Variants in PDE4D observed in about 807,000 individuals in gnomAD.
PDE4D encodes the protein 3',5'-cyclic-AMP phosphodiesterase 4D.
PDE4D carries 24 observed loss-of-function variants against 87.4 expected under a neutral mutation model. The observed-to-expected ratio is 0.27, with a 90% CI of 0.20 to 0.39. The LOEUF is 0.39. Among genes scored for constraint, PDE4D ranks in the 10% least tolerant of loss-of-function variants. The pLI, the probability that PDE4D is intolerant of heterozygous loss-of-function variation, is 1.00. For missense variants in PDE4D, 714 were observed against 1,041.0 expected (o/e 0.69, Z 4.32); for synonymous variants, 384 against 383.2 (o/e 1.00, Z -0.02).
At chr5:59,771,417 GAAAGAAAGAAAAAGAA>G (rs1218245016) in intron 1 of PDE4D, among the ~76,000 whole-genome samples, 1 of 124,352 alleles carries the variant, frequency 8.0e-6, no homozygotes, top group African/African-American at 3.0e-5. Flanking sequence ...CAAAAAGAAG[GAAAGAAAGAAAAAGAA>G]AAAGAAAGAA....
intron 6 of PDE4D, among the ~76,000 whole-genome samples, chr5:59,033,019 C>G (rs745609640): frequency 1.4e-4 from 21 of 152,224 alleles, no homozygotes; most frequent in Non-Finnish European, 2.6e-4. Flanking sequence ...GGTGCCTACT[C>G]CAGGCCAGGG....
intron 1 of PDE4D, among the ~76,000 whole-genome samples, chr5:59,421,624 T>G (rs1794492222): frequency 6.6e-6 from 1 of 151,988 alleles, no homozygotes; most frequent in African/African-American, 2.4e-5. Context: ...AAAGACCAGA[T>G]GGTAAGAGTA....
intron 1 of PDE4D, among the ~76,000 whole-genome samples, chr5:59,526,457 T>C (rs1813149129): frequency 6.6e-6 from 1 of 152,238 alleles, no homozygotes; most frequent in Non-Finnish European, 1.5e-5. Context: ...TTGCTTCAAT[T>C]CAGCTTTTCT....
intron 1 of PDE4D, among the ~76,000 whole-genome samples, chr5:59,648,692 T>C (rs1343475929): frequency 6.7e-6 from 1 of 148,382 alleles, no homozygotes; most frequent in Admixed American, 6.7e-5. Context: ...ACAAGAAGAA[T>C]CCTTGAAGTA....
chr5:59,366,177 G>A (rs1212826745), intron 1 of PDE4D, among the ~76,000 whole-genome samples: 2 of 151,908 alleles, frequency 1.3e-5, no homozygotes, highest in Non-Finnish European at 2.9e-5. Context: ...ATCATATTAG[G>A]TGAGCAATTA....
At chr5:60,323,203 C>T (rs950462745) in intron 1 of PDE4D, among the ~76,000 whole-genome samples, 8 of 152,080 alleles carry the variant, frequency 5.3e-5, no homozygotes, top group African/African-American at 1.9e-4. Context: ...CCAGTGTGGA[C>T]CTCCACTCTA....
chr5:59,632,325 A>T (rs897743654), intron 1 of PDE4D, among the ~76,000 whole-genome samples: 29 of 152,166 alleles, frequency 1.9e-4, no homozygotes, highest in African/African-American at 7.0e-4. Flanking sequence ...GCTTCAGCAG[A>T]CTTAAATGTT....
At chr5:59,615,800 G>A (rs1313315626) in intron 1 of PDE4D, among the ~76,000 whole-genome samples, 1 of 152,126 alleles carries the variant, frequency 6.6e-6, no homozygotes, top group Non-Finnish European at 1.5e-5. Flanking sequence ...TGACTAGCTA[G>A]TTAGCTAAAT....
chr5:60,414,905 ACG>A (rs1742356011), intron 1 of PDE4D, among the ~76,000 whole-genome samples: 1 of 151,724 alleles, frequency 6.6e-6, no homozygotes, highest in Non-Finnish European at 1.5e-5. Context: ...TCTCTGGTAT[ACG>A]TTTTAAAATC....
chr5:60,061,803 C>A (rs973496326), intron 2 of PDE4D, among the ~76,000 whole-genome samples: 2 of 152,040 alleles, frequency 1.3e-5, no homozygotes, highest in African/African-American at 2.4e-5. Context: ...TTGACAAAAA[C>A]AAGCAATGGG....
chr5:60,036,210 A>G (rs1767782760), intron 2 of PDE4D, among the ~76,000 whole-genome samples: 1 of 152,250 alleles, frequency 6.6e-6, no homozygotes, highest in South Asian at 2.1e-4. Flanking sequence ...AAGGAAAATC[A>G]GCTACAAGTT....
chr5:60,040,793 A>G (rs1768388105), intron 2 of PDE4D, among the ~76,000 whole-genome samples: 2 of 152,288 alleles, frequency 1.3e-5, no homozygotes, highest in South Asian at 4.1e-4. Context: ...GACATAAACT[A>G]TTATTACCCT....
intron 1 of PDE4D, among the ~76,000 whole-genome samples, chr5:59,237,534 T>C (rs1456404237): frequency 6.6e-6 from 1 of 152,178 alleles, no homozygotes; most frequent in Non-Finnish European, 1.5e-5. Flanking sequence ...ATTTCAAATC[T>C]TATGATTTTC....
At position 59,994,245 on chromosome 5, in the gene PDE4D, T is replaced by G. The variant is rs186094703; in HGVS notation, c.43-5528A>C. 3.9e-3 allele frequency among the ~76,000 whole-genome samples: 592 copies of G among 151,782 alleles called. 4 individuals are homozygous for G. The highest frequency in any genetic ancestry group is 0.012 in the African/African-American group (502 of 41,462). Reference sequence around the variant, plus strand: ...CTCTGATATTTATTTCATATATATATAGAGAGGGGGGAGAAATAAAATTTC... The same window carrying G: ...CTCTGATATTTATTTCATATATATAGAGAGAGGGGGGAGAAATAAAATTTC... On this transcript the variant is annotated intron_variant, in intron 2 of 16. Transcript: ENST00000502484.
At chr5:59,451,997 C>T (rs1799235969) in intron 1 of PDE4D, among the ~76,000 whole-genome samples, 2 of 152,198 alleles carry the variant, frequency 1.3e-5, no homozygotes. Context: ...CCATGAGGCC[C>T]AGGACGGCCT....
chr5:60,375,221 T>C (rs890539510), intron 1 of PDE4D, among the ~76,000 whole-genome samples: 2 of 152,202 alleles, frequency 1.3e-5, no homozygotes, highest in African/African-American at 4.8e-5. Context: ...AGGGTAAATT[T>C]TTGTTTACCC....
At chr5:60,103,215 AG>A (rs1562095424) in intron 2 of PDE4D, among the ~76,000 whole-genome samples, 2 of 152,184 alleles carry the variant, frequency 1.3e-5, no homozygotes, top group Admixed American at 1.3e-4. Flanking sequence ...CGACAGCCTA[AG>A]TAAGAGCCTT....
At chr5:59,878,875 C>T (rs1265760262) in intron 1 of PDE4D, among the ~76,000 whole-genome samples, 2 of 143,822 alleles carry the variant, frequency 1.4e-5, no homozygotes, top group Non-Finnish European at 3.0e-5. Flanking sequence ...GTCTACATAT[C>T]TACCGAAGTA....
At chr5:59,768,530 A>G (rs904960427) in intron 1 of PDE4D, 2 of 1,596,408 alleles carry the variant, frequency 1.3e-6, no homozygotes, top group African/African-American at 2.7e-5. Flanking sequence ...AACTTTGTAC[A>G]GCTGGCAAGA....
Sources: gnomAD v4.1 joint callset for allele counts (sites outside exome capture counted in the v4.1 genomes callset) on GRCh38, gnomAD v4.1.1 for gene constraint, MANE v1.5 for transcripts, NCBI Gene and HGNC (gene_info 2026-07-23, HGNC 2026-07-21) for gene names.